Variants in ZDHHC18 observed in about 807,000 individuals in gnomAD.
ZDHHC18 encodes the protein zDHHC palmitoyltransferase 18.
Under a neutral mutation model 37.5 loss-of-function variants are expected in ZDHHC18, and 23 were observed. That is an observed-to-expected ratio of 0.61 (90% confidence interval 0.44 to 0.87). ZDHHC18 has a LOEUF of 0.87. Ranked by LOEUF, ZDHHC18 falls within the 40% of genes least tolerant of loss-of-function variation. The probability of loss-of-function intolerance (pLI) is 0.00; values close to 1 mark genes in which losing one functional copy is unlikely to be tolerated. For synonymous variants in ZDHHC18, 185 were observed against 218.7 expected (o/e 0.85, Z 1.36); for missense variants, 406 against 525.6 (o/e 0.77, Z 2.22).
chr1:26,839,374 A>G (rs1463457323), intron 2 of ZDHHC18, among the ~76,000 whole-genome samples: 2 of 152,198 alleles, frequency 1.3e-5, no homozygotes, highest in Non-Finnish European at 2.9e-5. Context: ...CTTTTCTACA[A>G]CAAATATTTT....
At position 26,854,084 on chromosome 1, in the gene ZDHHC18, G is replaced by C; in HGVS notation, c.*241G>C. Reference sequence around the variant, plus strand: ...AGCTGATCAGTGCCAGGAGAGACCAGAGCCTCTGGAGGCTACCCAGGGGAC... The same window carrying C: ...AGCTGATCAGTGCCAGGAGAGACCACAGCCTCTGGAGGCTACCCAGGGGAC... On this transcript the variant is annotated 3_prime_UTR_variant, in exon 8 of 8. Coordinates refer to ENST00000374142, the MANE Select transcript of ZDHHC18 (RefSeq NM_032283.3). This position sits in a 1 kb window ranked among gnomAD's most constrained non-coding sequence, Gnocchi z 4.6. The C allele has an allele frequency of 2.0e-6, 1 of 501,836 alleles. No homozygotes were observed. The highest frequency in any genetic ancestry group is 2.5e-5 in the South Asian group (1 of 40,722). The allele number at this position is 501,836 out of a possible 1,614,324, so 31.1% of individuals were successfully genotyped here.
chr1:26,836,802 T>G (rs995534414), intron 2 of ZDHHC18, among the ~76,000 whole-genome samples: 3 of 149,740 alleles, frequency 2.0e-5, no homozygotes, highest in Non-Finnish European at 4.4e-5. Flanking sequence ...TCTCCTGACC[T>G]TGTGATCCGC....
At chr1:26,852,921 A>G in intron 7 of ZDHHC18, 56 bp downstream of exon 7, 1 of 1,548,810 alleles carries the variant, frequency 6.5e-7, no homozygotes, top group Non-Finnish European at 8.9e-7. Flanking sequence ...CCAGTGATCA[A>G]AGTGTTCCTG....
chr1:26,851,054 G>A (rs1011074673), intron 5 of ZDHHC18, 75 bp from the exon 6 acceptor site: 2 of 1,368,422 alleles, frequency 1.5e-6, no homozygotes, highest in Non-Finnish European at 2.1e-6. Context: ...CTCCATGGAA[G>A]GATAGGTGAG....
chr1:26,839,012 G>A (rs923470571), intron 2 of ZDHHC18, among the ~76,000 whole-genome samples: 1 of 152,272 alleles, frequency 6.6e-6, no homozygotes, highest in East Asian at 1.9e-4. Context: ...GAAGGGCAGA[G>A]GGCAGTCAGG....
chr1:26,852,491 G>A (rs143172726), intron 6 of ZDHHC18, among the ~76,000 whole-genome samples: 1 of 152,310 alleles, frequency 6.6e-6, no homozygotes, highest in East Asian at 1.9e-4. Flanking sequence ...AGAAGTGGCT[G>A]GCCGGAGAAG....
intron 2 of ZDHHC18, among the ~76,000 whole-genome samples, chr1:26,840,120 G>C (rs909015022): frequency 6.6e-6 from 1 of 152,202 alleles, no homozygotes; most frequent in Non-Finnish European, 1.5e-5. Flanking sequence ...ATGCTTAGCA[G>C]TTCCCTCCCT....
intron 2 of ZDHHC18, among the ~76,000 whole-genome samples, chr1:26,846,452 G>A (rs1436160998): frequency 3.2e-4 from 46 of 145,850 alleles, no homozygotes; most frequent in African/African-American, 1.1e-3. Context: ...TCAGCCTCCC[G>A]AGTAGCTGGG....
chr1:26,826,850 C>T lies in ZDHHC18; in HGVS notation c.46C>T (p.Leu16=). The part of the protein sequence containing the change: ...YQQISPGAAP[L]PASPGARRPG... ...GCAGATCAGCCCCGGGGCCGCCCCG[C>T]TGCCCGCCTCCCCGGGGGCGCGCCG... Residue 16 remains leucine (L), a synonymous_variant, in exon 1 of 8, where the codon CTG becomes TTG. Coordinates refer to ENST00000374142, the MANE Select transcript of ZDHHC18 (RefSeq NM_032283.3). This position sits in a 1 kb window ranked among gnomAD's most constrained non-coding sequence, Gnocchi z 5.2. 9.2e-6 allele frequency: 9 copies of T among 980,334 alleles called. No homozygotes were observed. The highest frequency in any genetic ancestry group is 9.7e-6 in the Non-Finnish European group (8 of 827,868). 60.7% of individuals were successfully genotyped at this position (980,334 alleles called of 1,614,324 possible).
intron 2 of ZDHHC18, among the ~76,000 whole-genome samples, chr1:26,837,654 A>G (rs1053699367): frequency 3.3e-5 from 5 of 150,820 alleles, no homozygotes; most frequent in Non-Finnish European, 7.4e-5. Context: ...TAATTTTTGT[A>G]TCTTTAGTAG....
chr1:26,833,185 A>G (rs868766797), intron 2 of ZDHHC18, among the ~76,000 whole-genome samples: 1 of 152,244 alleles, frequency 6.6e-6, no homozygotes, highest in Non-Finnish European at 1.5e-5. Flanking sequence ...GTTGAGGAGG[A>G]GGAAAGAGAC....
rs762836655 is a variant in ZDHHC18 at position 26,832,448 on chromosome 1, T to C, written c.337T>C (p.Cys113Arg). 6.2e-7 allele frequency: 1 copy of C among 1,614,108 alleles called. No homozygotes were observed. ...TTTGLFFVFDCPYLARKLTLA... is the reference protein window; with the variant it reads ...TTTGLFFVFDRPYLARKLTLA... ...ATCTCTCTCCATCTCTCGTTCTAGC[T>C]GTCCCTACCTGGCTCGCAAGCTGAC... Residue 113 changes from cysteine (C) to arginine (R), a missense_variant and splice_region_variant, in exon 2 of 8, where the codon TGT becomes CGT. Transcript: ENST00000374142.
At chr1:26,835,468 C>T (rs1329104218) in intron 2 of ZDHHC18, among the ~76,000 whole-genome samples, 5 of 152,112 alleles carry the variant, frequency 3.3e-5, no homozygotes, top group African/African-American at 7.2e-5. Context: ...TTTGGGAGGC[C>T]GAGGCGGGCG....
At chr1:26,844,321 A>G (rs1412839322) in intron 2 of ZDHHC18, among the ~76,000 whole-genome samples, 1 of 152,166 alleles carries the variant, frequency 6.6e-6, no homozygotes, top group Non-Finnish European at 1.5e-5. Context: ...TTATAGGTGT[A>G]AGCCACTGCA....
In ZDHHC18 at chr1:26,827,112, C is replaced by T; in HGVS notation, c.308C>T (p.Thr103Ile). The change falls in exon 1 of 8, where the codon ACC becomes ATC. Residue 103 changes from threonine (T) to isoleucine (I), a missense_variant. Transcript: ENST00000374142. ...VFALTLLLIL[T>I]TTGLFFVFDC... is the part of the protein sequence containing the mutation. ...GCGCTCACGCTGCTGCTCATCCTCA[C>T]CACCACCGGCCTCTTCTTCGTCTTT... 2 of 1,415,930 alleles carry T rather than the reference C, an allele frequency of 1.4e-6. No individual in the cohort carries two copies. The highest frequency in any genetic ancestry group is 2.9e-5 in the South Asian group (2 of 68,930). The allele number at this position is 1,415,930 out of a possible 1,614,324, so 87.7% of individuals were successfully genotyped here.
At chr1:26,831,335 G>C (rs2081588068) in intron 1 of ZDHHC18, among the ~76,000 whole-genome samples, 1 of 152,178 alleles carries the variant, frequency 6.6e-6, no homozygotes, top group African/African-American at 2.4e-5. Context: ...AGCAAGACGA[G>C]AGTTTTGTAG....
chr1:26,833,687 T>C (rs1334598366), intron 2 of ZDHHC18, among the ~76,000 whole-genome samples: 5 of 152,080 alleles, frequency 3.3e-5, no homozygotes, highest in Non-Finnish European at 5.9e-5. Context: ...CAGCTCTTCC[T>C]GCTGAGAAGT....
chr1:26,837,413 A>G (rs2081617574), intron 2 of ZDHHC18, among the ~76,000 whole-genome samples: 1 of 147,880 alleles, frequency 6.8e-6, no homozygotes. Context: ...TATTTAACAT[A>G]TATTTAATAT....
At chr1:26,849,406 G>C (rs888858924) in intron 3 of ZDHHC18, among the ~76,000 whole-genome samples, 4 of 152,194 alleles carry the variant, frequency 2.6e-5, no homozygotes, top group Non-Finnish European at 5.9e-5. Context: ...CAGTGACTGT[G>C]CATAGTTCCC....
Sources: allele counts gnomAD v4.1 joint callset (sites outside exome capture counted in the v4.1 genomes callset), GRCh38; gene constraint gnomAD v4.1.1; non-coding constraint Gnocchi (gnomAD v3.1); transcripts MANE v1.5; gene names NCBI Gene and HGNC (gene_info 2026-07-23, HGNC 2026-07-21).